Variants in MACROD2 observed in about 807,000 individuals in gnomAD.
MACROD2 encodes the protein ADP-ribose glycohydrolase MACROD2.
MACROD2 carries 36 observed loss-of-function variants against 70.4 expected under a neutral mutation model. That is an observed-to-expected ratio of 0.51 (90% CI 0.39 to 0.68). The LOEUF is 0.68. Among genes scored for constraint, MACROD2 ranks in the 30% least tolerant of loss-of-function variants. The pLI, the probability that MACROD2 is intolerant of heterozygous loss-of-function variation, is 0.00. For synonymous variants in MACROD2, 172 were observed against 178.8 expected, an observed-to-expected ratio of 0.96 and a Z score of 0.30; for missense variants, 496 against 538.4, an observed-to-expected ratio of 0.92 and a Z score of 0.78.
At chr20:15,036,084 T>C (rs1427375126) in intron 5 of MACROD2, among the ~76,000 whole-genome samples, 1 of 152,180 alleles carries the variant, frequency 6.6e-6, no homozygotes, top group East Asian at 1.9e-4. Context: ...TTTTGACCTA[T>C]GTGTATGAAT....
rs541499808 is a variant in MACROD2 at position 15,235,594 on chromosome 20, C to T, written c.540+5533C>T. 2.6e-5 allele frequency among the ~76,000 whole-genome samples: 4 copies of T among 152,306 alleles called. No homozygotes were observed. In the East Asian group the frequency reaches 7.7e-4, roughly 29 times the overall value. ...GTTGTTCCACTGTAGTGTAGGTTTT[C>T]ATTTTAAGGCGTAGTCAAGTGAATC... On this transcript the variant is annotated intron_variant, in intron 6 of 17. Transcript: ENST00000684519.
At chr20:14,695,669 A>T (rs1431902552) in intron 5 of MACROD2, among the ~76,000 whole-genome samples, 1 of 152,290 alleles carries the variant, frequency 6.6e-6, no homozygotes, top group South Asian at 2.1e-4. Flanking sequence ...GCCTGCAGCA[A>T]TGTGAGTGCG....
intron 8 of MACROD2, among the ~76,000 whole-genome samples, chr20:15,620,426 A>G (rs200754): frequency 6.0e-4 from 91 of 152,260 alleles, no homozygotes; most frequent in Middle Eastern, 3.4e-3. Context: ...GGGCAATTAC[A>G]ACATCTTGTT....
chr20:15,431,504 A>G, intron 7 of MACROD2, 69 bp downstream of exon 7: 1 of 1,416,852 alleles, frequency 7.1e-7, no homozygotes. Context: ...GATTCAGTGA[A>G]AAAATAAGAG....
intron 8 of MACROD2, among the ~76,000 whole-genome samples, chr20:15,660,278 A>G (rs2049801046): frequency 6.6e-6 from 1 of 151,698 alleles, no homozygotes; most frequent in Non-Finnish European, 1.5e-5. Flanking sequence ...ATAGATGGAA[A>G]CTGAAGCTTG....
chr20:15,687,260 CTG>C lies in MACROD2; in HGVS notation c.646-175482_646-175481del, dbSNP rs377042475. Reference sequence around the variant, plus strand: ...TAATAATACCTTTCTCAAAAGATCACTGTGAGTATTGAATTACATGAAATTGT... The same window carrying C: ...TAATAATACCTTTCTCAAAAGATCACTGAGTATTGAATTACATGAAATTGT... On this transcript the variant is annotated intron_variant, in intron 8 of 17. Transcript: ENST00000684519. 1.4e-3 allele frequency among the ~76,000 whole-genome samples: 213 copies of C among 149,936 alleles called. 4 individuals carry two copies. The South Asian group carries it at 0.042, about 29-fold the overall frequency.
At chr20:14,857,228 T>A (rs2073264496) in intron 5 of MACROD2, among the ~76,000 whole-genome samples, 1 of 152,282 alleles carries the variant, frequency 6.6e-6, no homozygotes, top group Admixed American at 6.5e-5. Context: ...GAATCCAAAT[T>A]CTGCACATGC....
chr20:14,110,285 G>A (rs1477737722), intron 3 of MACROD2, among the ~76,000 whole-genome samples: 1 of 151,854 alleles, frequency 6.6e-6, no homozygotes, highest in Non-Finnish European at 1.5e-5. Context: ...CCTAAATGGG[G>A]GAAAACTGAA....
chr20:14,579,421 G>A (rs1980857264), intron 4 of MACROD2, among the ~76,000 whole-genome samples: 1 of 152,082 alleles, frequency 6.6e-6, no homozygotes. Context: ...GATTACAGGC[G>A]TGAGCCACCG....
At chr20:14,180,775 A>G (rs1276559721) in intron 3 of MACROD2, among the ~76,000 whole-genome samples, 3 of 152,110 alleles carry the variant, frequency 2.0e-5, no homozygotes, top group Non-Finnish European at 4.4e-5. Flanking sequence ...AATTCTTACA[A>G]TATCTTAAAA....
At chr20:14,705,193 G>T (rs937293839) in intron 5 of MACROD2, among the ~76,000 whole-genome samples, 1 of 151,884 alleles carries the variant, frequency 6.6e-6, no homozygotes, top group Non-Finnish European at 1.5e-5. Context: ...ATCTCTAGGC[G>T]TGTTTATTCT....
At chr20:15,133,561 T>C (rs542635299) in intron 5 of MACROD2, among the ~76,000 whole-genome samples, 1 of 152,308 alleles carries the variant, frequency 6.6e-6, no homozygotes, top group Non-Finnish European at 1.5e-5. Flanking sequence ...CTCTCAATTC[T>C]GAGGATATAA....
At chr20:15,501,287 G>T (rs1283391751) in intron 8 of MACROD2, among the ~76,000 whole-genome samples, 2 of 152,250 alleles carry the variant, frequency 1.3e-5, no homozygotes, top group East Asian at 3.8e-4. Flanking sequence ...AACTGAGCAA[G>T]CGTATCAGTG....
intron 8 of MACROD2, among the ~76,000 whole-genome samples, chr20:15,703,326 G>A (rs528819090): frequency 1.4e-4 from 22 of 152,246 alleles, no homozygotes; most frequent in Admixed American, 9.8e-4. Context: ...GCATGGACCT[G>A]CCCAGAATGG....
intron 6 of MACROD2, among the ~76,000 whole-genome samples, chr20:15,253,596 C>T (rs2077173963): frequency 6.6e-6 from 1 of 152,168 alleles, no homozygotes; most frequent in South Asian, 2.1e-4. Flanking sequence ...GAGGCTACCA[C>T]CTGCACCATC....
At chr20:15,014,015 G>A (rs1273420266) in intron 5 of MACROD2, among the ~76,000 whole-genome samples, 1 of 152,172 alleles carries the variant, frequency 6.6e-6, no homozygotes, top group Non-Finnish European at 1.5e-5. Flanking sequence ...AGGCCATATG[G>A]CATTCAGTGT....
intron 4 of MACROD2, among the ~76,000 whole-genome samples, chr20:14,527,108 A>G (rs1420991834): frequency 1.3e-5 from 2 of 152,154 alleles, no homozygotes; most frequent in Non-Finnish European, 2.9e-5. Context: ...CTCTCCTCCA[A>G]CTGCCCCAGC....
intron 8 of MACROD2, among the ~76,000 whole-genome samples, chr20:15,730,706 A>G (rs889010752): frequency 1.3e-5 from 2 of 151,372 alleles, no homozygotes; most frequent in Admixed American, 1.3e-4. Flanking sequence ...GATTCTCTCC[A>G]TTTCCTGAAT....
intron 5 of MACROD2, among the ~76,000 whole-genome samples, chr20:15,041,422 T>C (rs1483640616): frequency 6.6e-6 from 1 of 152,122 alleles, no homozygotes; most frequent in African/African-American, 2.4e-5. Context: ...TAGATTTTGA[T>C]TTTTTTAAAT....
Sources: gnomAD v4.1 joint callset for allele counts (sites outside exome capture counted in the v4.1 genomes callset) on GRCh38, gnomAD v4.1.1 for gene constraint, MANE v1.5 for transcripts, NCBI Gene and HGNC (gene_info 2026-07-23, HGNC 2026-07-21) for gene names.